Variants in MELK observed in about 807,000 individuals in gnomAD.
MELK encodes maternal embryonic leucine zipper kinase.
In MELK, 81 loss-of-function variants were observed where a neutral mutation model predicts 85.0. That is an observed-to-expected ratio of 0.95 (90% CI 0.80 to 1.15). MELK has a LOEUF of 1.15. MELK is among the 50% of genes most tolerant of loss of function. The pLI, the probability that MELK is intolerant of heterozygous loss-of-function variation, is 0.00. For missense variants in MELK, 754 were observed against 777.5 expected, an observed-to-expected ratio of 0.97 and a Z score of 0.36; for synonymous variants, 252 against 265.0, an observed-to-expected ratio of 0.95 and a Z score of 0.48.
At chr9:36,624,778 G>A (rs184608198) in intron 8 of MELK, among the ~76,000 whole-genome samples, 1 of 152,156 alleles carries the variant, frequency 6.6e-6, no homozygotes, top group Non-Finnish European at 1.5e-5. Flanking sequence ...TTTCAGAATT[G>A]AAAGGCATAA....
At chr9:36,607,763 T>C (rs1760899526) in intron 8 of MELK, 90 bp downstream of exon 8, 3 of 942,090 alleles carry the variant, frequency 3.2e-6, no homozygotes. Context: ...AAAACAGGCA[T>C]AAAAGTTATT....
chr9:36,612,319 CT>C (rs2135960455), intron 8 of MELK, among the ~76,000 whole-genome samples: 1 of 151,972 alleles, frequency 6.6e-6, no homozygotes, highest in East Asian at 1.9e-4. Flanking sequence ...TGGTCTCGAA[CT>C]CCTGACCTCA....
At chr9:36,588,354 G>A (rs1203997261) in intron 3 of MELK, among the ~76,000 whole-genome samples, 2 of 134,694 alleles carry the variant, frequency 1.5e-5, no homozygotes, top group African/African-American at 2.9e-5. Flanking sequence ...ACAGGCATGA[G>A]CCACCGCGCC....
intron 1 of MELK, among the ~76,000 whole-genome samples, chr9:36,580,729 A>ATT (rs113212041): frequency 1.3e-3 from 178 of 140,038 alleles, no homozygotes; most frequent in Middle Eastern, 7.6e-3. Flanking sequence ...TCTTTGAGAA[A>ATT]TTTTTTTTTT....
chr9:36,574,487 C>T (rs1821438745), intron 1 of MELK, among the ~76,000 whole-genome samples: 1 of 151,428 alleles, frequency 6.6e-6, no homozygotes, highest in Admixed American at 6.6e-5. Flanking sequence ...CCTGTAATCC[C>T]AGCAACTGGG....
At chr9:36,646,212 C>G (rs1830204656) in intron 11 of MELK, among the ~76,000 whole-genome samples, 1 of 152,182 alleles carries the variant, frequency 6.6e-6, no homozygotes, top group African/African-American at 2.4e-5. Context: ...AGAATTCATA[C>G]TGGCTCTACA....
At chr9:36,627,240 A>C (rs1349395212) in intron 8 of MELK, among the ~76,000 whole-genome samples, 1 of 152,132 alleles carries the variant, frequency 6.6e-6, no homozygotes, top group Non-Finnish European at 1.5e-5. Flanking sequence ...AGTGGAAAAC[A>C]GACAGGTATG....
At chr9:36,606,566 TATATA>T (rs913652334) in intron 7 of MELK, among the ~76,000 whole-genome samples, 2 of 137,382 alleles carry the variant, frequency 1.5e-5, no homozygotes, top group Admixed American at 7.4e-5. Flanking sequence ...GTGTATATAA[TATATA>T]ATATATACAT....
chr9:36,635,083 T>G (rs1356506925), intron 10 of MELK, among the ~76,000 whole-genome samples: 1 of 138,156 alleles, frequency 7.2e-6, no homozygotes, highest in Non-Finnish European at 1.5e-5. Context: ...CACAGAGTAT[T>G]AAAAACGTAC....
intron 13 of MELK, 58 bp from the exon 14 acceptor site, chr9:36,665,290 TTG>T: frequency 2.0e-6 from 2 of 1,012,624 alleles, no homozygotes; most frequent in South Asian, 3.1e-5. Context: ...TCAAGGAATG[TTG>T]TAAAGAAATT....
At chr9:36,584,779 A>G (rs1215120123) in intron 3 of MELK, among the ~76,000 whole-genome samples, 1 of 143,214 alleles carries the variant, frequency 7.0e-6, no homozygotes, top group African/African-American at 2.6e-5. Flanking sequence ...GTGCAGTTGC[A>G]CAATCACAGC....
chr9:36,648,039 C>T (rs950965055), intron 11 of MELK, among the ~76,000 whole-genome samples: 14 of 152,142 alleles, frequency 9.2e-5, no homozygotes, highest in African/African-American at 2.9e-4. Context: ...AAAGACTATT[C>T]CGTACTGTTA....
intron 8 of MELK, among the ~76,000 whole-genome samples, chr9:36,616,194 C>G (rs894614529): frequency 6.6e-6 from 1 of 152,056 alleles, no homozygotes; most frequent in Non-Finnish European, 1.5e-5. Flanking sequence ...AAAATTGACC[C>G]TTTGTATATA....
intron 14 of MELK, among the ~76,000 whole-genome samples, chr9:36,668,717 G>A (rs939243887): frequency 6.6e-6 from 1 of 152,060 alleles, no homozygotes; most frequent in Non-Finnish European, 1.5e-5. Flanking sequence ...ATTTGACCAT[G>A]TTGGCCAGGC....
rs1273918404 is a variant in MELK, at chr9:36,583,613, A to G, written c.59-14A>G. 3 of 1,577,358 alleles carry G rather than the reference A, an allele frequency of 1.9e-6. No individual in the cohort carries two copies. Among genetic ancestry groups the G allele is most frequent in the African/African-American group, 2.7e-5 (2 of 74,078 alleles). On this transcript the variant is annotated splice_polypyrimidine_tract_variant and intron_variant, in intron 2 of 17. Transcript: ENST00000298048. Reference sequence around the variant, plus strand: ...GTCCTTGCTTATGCTTTCATAATACATTTTCCTACTTAGGTGGCTTTGCAA... The same window carrying G: ...GTCCTTGCTTATGCTTTCATAATACGTTTTCCTACTTAGGTGGCTTTGCAA...
rs1832927763 is a variant in MELK, at chr9:36,671,953, A to G, written c.1674+787A>G. Among the ~76,000 whole-genome samples the G allele has an allele frequency of 3.9e-5, 6 of 152,148 alleles. No homozygotes were observed. In the South Asian group the frequency reaches 1.2e-3, roughly 32 times the overall value. On this transcript the variant is annotated intron_variant, in intron 16 of 17. Coordinates refer to ENST00000298048, the MANE Select transcript of MELK (RefSeq NM_014791.4). ...GTTCTGAAACACTGGGCTCAGTGCT[A>G]TAGTAAAAACACATTCCAAGAGGTG...
chr9:36,675,633 G>GGT (rs1833281054), intron 17 of MELK, among the ~76,000 whole-genome samples: 1 of 152,020 alleles, frequency 6.6e-6, no homozygotes, highest in South Asian at 2.1e-4. Context: ...TACAGGGCTG[G>GGT]GTTTTCAGTG....
In MELK at chr9:36,638,001, G is replaced by A. The variant is rs116089021; in HGVS notation, c.834+4801G>A. 2.6e-4 allele frequency among the ~76,000 whole-genome samples: 40 copies of A among 152,286 alleles called. 1 individual carries two copies. Among genetic ancestry groups the A allele is most frequent in the African/African-American group, 9.1e-4 (38 of 41,570 alleles). The stretch of plus-strand genomic sequence containing the variant: ...TGAGCAGTGTAGCAGCAGAACCAGG[G>A]AAGCTGTGATGTGCCCCTTGTGAGG... On this transcript the variant is annotated intron_variant, in intron 10 of 17. Coordinates refer to ENST00000298048, the MANE Select transcript of MELK (RefSeq NM_014791.4).
chr9:36,664,396 G>A (rs1832139383), intron 13 of MELK, among the ~76,000 whole-genome samples: 1 of 152,136 alleles, frequency 6.6e-6, no homozygotes, highest in Non-Finnish European at 1.5e-5. Flanking sequence ...GGCTTGAGTT[G>A]GGTTGGAGTG....
Sources: allele counts gnomAD v4.1 joint callset (sites outside exome capture counted in the v4.1 genomes callset), GRCh38; gene constraint gnomAD v4.1.1; transcripts MANE v1.5; gene names NCBI Gene and HGNC (gene_info 2026-07-23, HGNC 2026-07-21).